The following DNAI3 variants were observed in gnomAD, a reference collection of about 807,000 sequenced individuals.
DNAI3 encodes dynein axonemal intermediate chain 3, also known as WD repeat domain 63.
DNAI3 carries 83 observed loss-of-function variants against 115.5 expected under a neutral mutation model. The observed-to-expected ratio is 0.72, with a 90% CI of 0.60 to 0.86. The LOEUF (loss-of-function observed/expected upper bound fraction) is 0.86, where lower values mean the gene tolerates loss of function less well. Ranked by LOEUF, DNAI3 falls within the 40% of genes least tolerant of loss-of-function variation. The pLI is 0.00. For missense variants in DNAI3, 1,004 were observed against 1,075.8 expected (o/e 0.93, Z 0.93); for synonymous variants, 320 against 347.0 (o/e 0.92, Z 0.86).
intron 13 of DNAI3, among the ~76,000 whole-genome samples, chr1:85,104,266 G>T (rs1398433997): frequency 6.6e-6 from 1 of 151,734 alleles, no homozygotes; most frequent in South Asian, 2.1e-4. Flanking sequence ...GACTACAGGC[G>T]CCCACCACCA....
intron 3 of DNAI3, among the ~76,000 whole-genome samples, chr1:85,080,046 CTTTTT>C (rs35938324): frequency 1.5e-5 from 1 of 68,380 alleles, no homozygotes. Context: ...TTTTCTTTTT[CTTTTT>C]TTTTTTTTTT....
chr1:85,129,529 A>T (rs1410530890), intron 21 of DNAI3, among the ~76,000 whole-genome samples: 1 of 151,830 alleles, frequency 6.6e-6, no homozygotes, highest in Non-Finnish European at 1.5e-5. Context: ...ATCTACATTG[A>T]TACTCTCATC....
rs768737457 is a variant in DNAI3 at position 85,108,018 on chromosome 1, A to G, written c.1554-15A>G. 1.3e-5 allele frequency: 18 copies of G among 1,435,602 alleles called. No individual in the cohort carries two copies. Among genetic ancestry groups the G allele is most frequent in the Middle Eastern group, 3.6e-4 (2 of 5,572 alleles). The allele number at this position is 1,435,602 out of a possible 1,614,324, so 88.9% of individuals were successfully genotyped here. On this transcript the variant is annotated splice_polypyrimidine_tract_variant and intron_variant, in intron 14 of 22. Coordinates refer to ENST00000294664, the MANE Select transcript of DNAI3 (RefSeq NM_145172.5). ...TGTTTGTACTTAATAAAAAATATATATAAATTTTTTTTAGCACAATATGTT... is the reference window on the plus strand; with the variant it reads ...TGTTTGTACTTAATAAAAAATATATGTAAATTTTTTTTAGCACAATATGTT...
intron 3 of DNAI3, among the ~76,000 whole-genome samples, chr1:85,074,115 T>A (rs1654374380): frequency 6.6e-6 from 1 of 152,158 alleles, no homozygotes; most frequent in Admixed American, 6.5e-5. Flanking sequence ...CCAACTTATG[T>A]GAATTCCACC....
At chr1:85,111,017 C>A (rs1655645134) in intron 16 of DNAI3, among the ~76,000 whole-genome samples, 1 of 152,126 alleles carries the variant, frequency 6.6e-6, no homozygotes, top group Non-Finnish European at 1.5e-5. Flanking sequence ...GCATGAATAT[C>A]CCACCTGGAG....
At chr1:85,111,855 T>C (rs1430457189) in intron 16 of DNAI3, among the ~76,000 whole-genome samples, 1 of 152,180 alleles carries the variant, frequency 6.6e-6, no homozygotes, top group East Asian at 1.9e-4. Flanking sequence ...CTTTGACATA[T>C]GTACACACCC....
intron 5 of DNAI3, 63 bp downstream of exon 5, chr1:85,082,467 A>T (rs1654663135): frequency 1.5e-6 from 2 of 1,326,098 alleles, no homozygotes; most frequent in African/African-American, 2.9e-5. Flanking sequence ...TGTTTTTGAG[A>T]TAGGCTCTTG....
intron 6 of DNAI3, among the ~76,000 whole-genome samples, chr1:85,085,300 C>T (rs529601770): frequency 1.3e-5 from 2 of 152,268 alleles, no homozygotes; most frequent in South Asian, 4.1e-4. Flanking sequence ...TTGGTTATGG[C>T]AGCTGTAGGA....
intron 3 of DNAI3, among the ~76,000 whole-genome samples, chr1:85,079,379 G>C (rs1338575561): frequency 1.3e-5 from 2 of 152,190 alleles, no homozygotes; most frequent in Non-Finnish European, 2.9e-5. Context: ...TATGCATACA[G>C]TTATTTAAAA....
rs370597146 is a variant in DNAI3 at position 85,105,968 on chromosome 1, G to A, written c.1553+1371G>A. ...CCCCAAAGAACCACTAGAATGCCCC[G>A]TCTCTACTAAAAATACAAAAAATTA... On this transcript the variant is annotated intron_variant, in intron 14 of 22. Coordinates refer to ENST00000294664, the MANE Select transcript of DNAI3 (RefSeq NM_145172.5). Among the ~76,000 whole-genome samples the A allele has an allele frequency of 3.3e-3, 501 of 152,208 alleles. 6 individuals carry two copies. Among genetic ancestry groups the A allele is most frequent in the South Asian group, 0.029 (138 of 4,808 alleles).
At chr1:85,100,979 G>C (rs190294907) in intron 13 of DNAI3, among the ~76,000 whole-genome samples, 14 of 151,584 alleles carry the variant, frequency 9.2e-5, no homozygotes, top group Admixed American at 2.6e-4. Context: ...GTTGTGGGGT[G>C]GGGGGAGGAG....
chr1:85,113,857 C>G (rs817469), intron 16 of DNAI3, among the ~76,000 whole-genome samples: 35,389 of 151,876 alleles, frequency 0.23, 4,900 homozygotes, highest in African/African-American at 0.38. Flanking sequence ...TCGTTAATTT[C>G]TCAGATATGT....
chr1:85,089,776 A>G (rs1654918103), intron 7 of DNAI3, among the ~76,000 whole-genome samples: 1 of 152,062 alleles, frequency 6.6e-6, no homozygotes, highest in African/African-American at 2.4e-5. Flanking sequence ...AGAGAAAACA[A>G]TAAAGATGGC....
At chr1:85,075,206 T>C (rs964926516) in intron 3 of DNAI3, among the ~76,000 whole-genome samples, 3 of 152,160 alleles carry the variant, frequency 2.0e-5, no homozygotes, top group African/African-American at 7.2e-5. Context: ...TTTGTATCTA[T>C]GAGTGTACTT....
intron 1 of DNAI3, among the ~76,000 whole-genome samples, chr1:85,069,928 T>C (rs1654216058): frequency 6.6e-6 from 1 of 152,146 alleles, no homozygotes; most frequent in Non-Finnish European, 1.5e-5. Context: ...ATCTTAAAAA[T>C]AGAAATTGTC....
chr1:85,071,824 G>C, intron 1 of DNAI3, 104 bp from the exon 2 acceptor site: 1 of 1,187,544 alleles, frequency 8.4e-7, no homozygotes, highest in African/African-American at 1.6e-5. Flanking sequence ...GTAAATCTTA[G>C]AAAACATATT....
chr1:85,131,528 C>A (rs1355085840), intron 22 of DNAI3, among the ~76,000 whole-genome samples: 1 of 150,608 alleles, frequency 6.6e-6, no homozygotes, highest in African/African-American at 2.4e-5. Flanking sequence ...CATTATCACT[C>A]ATTGATAAAT....
At chr1:85,071,629 A>G (rs1456548722) in intron 1 of DNAI3, among the ~76,000 whole-genome samples, 1 of 152,182 alleles carries the variant, frequency 6.6e-6, no homozygotes, top group Non-Finnish European at 1.5e-5. Context: ...CGGGGAAGCC[A>G]AGTCCTCTGT....
At chr1:85,079,437 G>A (rs911359743) in intron 3 of DNAI3, among the ~76,000 whole-genome samples, 3 of 152,148 alleles carry the variant, frequency 2.0e-5, no homozygotes, top group Non-Finnish European at 4.4e-5. Context: ...TGGGGTGGGG[G>A]AAAATATTTC....
Sources: gnomAD v4.1 joint callset for allele counts (sites outside exome capture counted in the v4.1 genomes callset) on GRCh38, gnomAD v4.1.1 for gene constraint, MANE v1.5 for transcripts, NCBI Gene and HGNC (gene_info 2026-07-23, HGNC 2026-07-21) for gene names.